VAT1L: variants seen among roughly 807,000 people sequenced by gnomAD.
VAT1L encodes putative NADPH-dependent quinone oxidoreductase VAT1L.
A neutral mutation model predicts 44.1 loss-of-function variants in VAT1L; 34 were observed. The ratio of observed to expected loss-of-function variants is 0.77; its 90% CI spans 0.59 to 1.03. The LOEUF (loss-of-function observed/expected upper bound fraction) is 1.03. Among genes scored for constraint, VAT1L ranks in the 50% least tolerant of loss-of-function variants. VAT1L has a pLI of 0.00. For synonymous variants in VAT1L, 253 were observed against 202.2 expected, an observed-to-expected ratio of 1.25 and a Z score of -2.13; for missense variants, 615 against 538.8, an observed-to-expected ratio of 1.14 and a Z score of -1.40.
At chr16:77,949,734 A>G (rs556302574) in intron 7 of VAT1L, among the ~76,000 whole-genome samples, 4 of 152,330 alleles carry the variant, frequency 2.6e-5, no homozygotes, top group East Asian at 1.9e-4. Flanking sequence ...CAGATGCTCA[A>G]TCTTCCAGCC....
intron 1 of VAT1L, chr16:77,800,180 C>T (rs541727907): frequency 1.3e-5 from 2 of 152,280 alleles, no homozygotes; most frequent in South Asian, 4.1e-4. Context: ...AGTCTATTCT[C>T]TTGGAAGAAG....
At chr16:77,963,422 C>G (rs2018185674) in intron 7 of VAT1L, among the ~76,000 whole-genome samples, 1 of 152,102 alleles carries the variant, frequency 6.6e-6, no homozygotes, top group African/African-American at 2.4e-5. Context: ...GTCAAGGAAA[C>G]AAATTCCTCC....
At chr16:77,860,768 A>C (rs566640581) in intron 3 of VAT1L, among the ~76,000 whole-genome samples, 1 of 152,340 alleles carries the variant, frequency 6.6e-6, no homozygotes, top group Non-Finnish European at 1.5e-5. Flanking sequence ...TATCAATGCT[A>C]TTCTTAGGAC....
In VAT1L at chr16:77,876,359, T is replaced by G. The variant is rs2017086737; in HGVS notation, c.723-11T>G. 1 of 1,613,734 alleles carries G rather than the reference T, an allele frequency of 6.2e-7. No homozygotes were observed. Among genetic ancestry groups the G allele is most frequent in the African/African-American group, 1.3e-5 (1 of 74,936 alleles). On this transcript the variant is annotated splice_polypyrimidine_tract_variant and intron_variant, in intron 4 of 8. Transcript: ENST00000302536. The stretch of plus-strand genomic sequence containing the variant: ...GGTCACAGAATTTTGCTTTGCCTTC[T>G]CACCATTTAGAATCTCTGCTGAAGG...
chr16:77,974,804 A>G (rs2018318120), intron 8 of VAT1L, among the ~76,000 whole-genome samples: 1 of 151,940 alleles, frequency 6.6e-6, no homozygotes. Context: ...CCTGACCCCA[A>G]GTGACCCACC....
At chr16:77,926,257 TAAAAAAA>T (rs34182080) in intron 7 of VAT1L, among the ~76,000 whole-genome samples, 2 of 112,804 alleles carry the variant, frequency 1.8e-5, no homozygotes, top group African/African-American at 3.4e-5. Context: ...CGTCTCAAAG[TAAAAAAA>T]AAAAAAAAAA....
intron 7 of VAT1L, among the ~76,000 whole-genome samples, chr16:77,969,034 G>C (rs981473426): frequency 6.6e-6 from 1 of 152,070 alleles, no homozygotes; most frequent in Non-Finnish European, 1.5e-5. Context: ...GGCCAGGCTG[G>C]TCTTGAACTC....
At chr16:77,838,841 TC>T (rs1390375922) in intron 3 of VAT1L, among the ~76,000 whole-genome samples, 2 of 151,708 alleles carry the variant, frequency 1.3e-5, no homozygotes, top group Non-Finnish European at 2.9e-5. Context: ...CTCTCCTTCC[TC>T]CCTTCCTCCT....
intron 3 of VAT1L, among the ~76,000 whole-genome samples, chr16:77,858,465 G>C (rs902067255): frequency 3.4e-4 from 51 of 152,192 alleles, no homozygotes; most frequent in African/African-American, 9.6e-4. Context: ...TAGGAGTAGT[G>C]ATAGCAAGTA....
At chr16:77,812,132 A>AGTGCAG (rs2016275960) in intron 1 of VAT1L, among the ~76,000 whole-genome samples, 1 of 146,822 alleles carries the variant, frequency 6.8e-6, no homozygotes, top group Non-Finnish European at 1.5e-5. Flanking sequence ...CCCAGGCTGG[A>AGTGCAG]GTGCAGTGGA....
At chr16:77,803,179 C>T (rs2016095129) in intron 1 of VAT1L, among the ~76,000 whole-genome samples, 1 of 152,160 alleles carries the variant, frequency 6.6e-6, no homozygotes, top group Non-Finnish European at 1.5e-5. Flanking sequence ...AGAGATGCTA[C>T]TACTCTCTCC....
intron 1 of VAT1L, among the ~76,000 whole-genome samples, chr16:77,809,305 C>A (rs948371481): frequency 6.6e-6 from 1 of 152,192 alleles, no homozygotes; most frequent in African/African-American, 2.4e-5. Flanking sequence ...TTACCTATTA[C>A]AATTGCTAGC....
intron 3 of VAT1L, among the ~76,000 whole-genome samples, chr16:77,837,040 G>A (rs928970312): frequency 7.1e-5 from 10 of 140,440 alleles, no homozygotes; most frequent in Non-Finnish European, 3.2e-5. Context: ...TTATAGAGAG[G>A]AAGAGCTGGC....
intron 3 of VAT1L, among the ~76,000 whole-genome samples, chr16:77,834,440 G>A (rs1183184853): frequency 1.3e-5 from 2 of 152,130 alleles, no homozygotes; most frequent in African/African-American, 4.8e-5. Context: ...TTGGACCAAC[G>A]AAACATGGAC....
At chr16:77,876,270 T>A (rs2017086065) in intron 4 of VAT1L, 100 bp from the exon 5 acceptor site, 2 of 1,074,404 alleles carry the variant, frequency 1.9e-6, no homozygotes, top group East Asian at 4.8e-5. Flanking sequence ...TCAGGGTTCC[T>A]AATTCTGAGA....
intron 7 of VAT1L, 129 bp from the exon 8 acceptor site, chr16:77,971,721 T>G (rs966367936): frequency 2.2e-6 from 2 of 894,926 alleles, no homozygotes; most frequent in Admixed American, 4.7e-5. Flanking sequence ...AACAGCAACC[T>G]CTTAGCCACT....
At chr16:77,805,797 C>T (rs554276586) in intron 1 of VAT1L, among the ~76,000 whole-genome samples, 77 of 151,086 alleles carry the variant, frequency 5.1e-4, no homozygotes, top group African/African-American at 1.6e-3. Flanking sequence ...TTTCCCCAAG[C>T]AGTTTACCAA....
At chr16:77,848,800 T>C (rs902292602) in intron 3 of VAT1L, among the ~76,000 whole-genome samples, 7 of 151,986 alleles carry the variant, frequency 4.6e-5, no homozygotes, top group African/African-American at 1.7e-4. Flanking sequence ...CAAATGCCCA[T>C]CAATAATAGA....
chr16:77,940,340 G>GTTTTTTT (rs66546770), intron 7 of VAT1L, among the ~76,000 whole-genome samples: 2 of 112,522 alleles, frequency 1.8e-5, no homozygotes, highest in Non-Finnish European at 3.5e-5. Context: ...ATACCACTTG[G>GTTTTTTT]TTTTTTTTTT....
Sources: gnomAD v4.1 joint callset for allele counts (sites outside exome capture counted in the v4.1 genomes callset) on GRCh38, gnomAD v4.1.1 for gene constraint, MANE v1.5 for transcripts, NCBI Gene and HGNC (gene_info 2026-07-23, HGNC 2026-07-21) for gene names.